Variants in GPBP1 observed in about 807,000 individuals in gnomAD.
GPBP1 encodes GC-rich promoter binding protein 1.
A neutral mutation model predicts 56.5 loss-of-function variants in GPBP1; 13 were observed. The ratio of observed to expected loss-of-function variants is 0.23; its 90% CI spans 0.15 to 0.37. The LOEUF (loss-of-function observed/expected upper bound fraction) is 0.37, where lower values mean the gene tolerates loss of function less well. Ranked by LOEUF, GPBP1 falls within the 10% of genes least tolerant of loss-of-function variation. GPBP1 has a pLI of 1.00. For missense variants in GPBP1, 477 were observed against 572.3 expected, an observed-to-expected ratio of 0.83 and a Z score of 1.70; for synonymous variants, 204 against 188.9, an observed-to-expected ratio of 1.08 and a Z score of -0.66.
At chr5:57,191,099 C>CT (rs564844488) in intron 2 of GPBP1, among the ~76,000 whole-genome samples, 64 of 146,186 alleles carry the variant, frequency 4.4e-4, no homozygotes, top group Middle Eastern at 3.6e-3. Flanking sequence ...TTTTTCTTTT[C>CT]TTTTTTTTTT....
intron 2 of GPBP1, among the ~76,000 whole-genome samples, chr5:57,193,929 A>T (rs1754638735): frequency 1.3e-5 from 2 of 151,908 alleles, no homozygotes; most frequent in Admixed American, 6.6e-5. Flanking sequence ...TCACCCCTTT[A>T]ATCCTGTTTC....
intron 2 of GPBP1, among the ~76,000 whole-genome samples, chr5:57,212,149 C>T (rs1252931787): frequency 6.6e-6 from 1 of 151,722 alleles, no homozygotes. Context: ...AGGCCGATCT[C>T]GAACTCCTGA....
intron 3 of GPBP1, among the ~76,000 whole-genome samples, chr5:57,228,965 C>T (rs1298804120): frequency 6.6e-6 from 1 of 152,016 alleles, no homozygotes; most frequent in Non-Finnish European, 1.5e-5. Context: ...TGCAGTGGCT[C>T]ACTCCTATAA....
At chr5:57,250,881 C>A in intron 9 of GPBP1, 73 bp from the exon 10 acceptor site, 1 of 984,346 alleles carries the variant, frequency 1.0e-6, no homozygotes, top group Non-Finnish European at 1.5e-6. Context: ...TAGTTAGGAT[C>A]TATTAAAAGT....
chr5:57,240,033 G>C (rs924781505), intron 6 of GPBP1, among the ~76,000 whole-genome samples: 2 of 152,076 alleles, frequency 1.3e-5, no homozygotes, highest in Non-Finnish European at 2.9e-5. Context: ...GCACAGGATG[G>C]GGGTATCACT....
chr5:57,240,244 CT>C (rs1740761285), intron 6 of GPBP1, among the ~76,000 whole-genome samples: 2 of 152,020 alleles, frequency 1.3e-5, no homozygotes, highest in Non-Finnish European at 1.5e-5. Context: ...GAGCAAGACT[CT>C]TTCTCCAAAG....
At chr5:57,208,929 A>G (rs527572749) in intron 2 of GPBP1, among the ~76,000 whole-genome samples, 3 of 152,292 alleles carry the variant, frequency 2.0e-5, no homozygotes, top group African/African-American at 7.2e-5. Flanking sequence ...TGCTGGGATT[A>G]CAGGCTTGAG....
At chr5:57,193,578 C>A (rs1320217488) in intron 2 of GPBP1, among the ~76,000 whole-genome samples, 1 of 135,592 alleles carries the variant, frequency 7.4e-6, no homozygotes, top group Non-Finnish European at 1.5e-5. Flanking sequence ...CATGCCACTG[C>A]ACTCAAGCTT....
At chr5:57,190,311 G>C (rs551987841) in intron 2 of GPBP1, among the ~76,000 whole-genome samples, 4 of 152,150 alleles carry the variant, frequency 2.6e-5, no homozygotes, top group Admixed American at 2.0e-4. Flanking sequence ...TCAGCTGGGC[G>C]TGGTGGCTCA....
intron 2 of GPBP1, among the ~76,000 whole-genome samples, chr5:57,206,446 T>G (rs1344438006): frequency 2.6e-5 from 4 of 152,202 alleles, no homozygotes; most frequent in African/African-American, 9.6e-5. Context: ...TTGCCCAGGC[T>G]GGAGTGTAGT....
At chr5:57,210,843 G>T (rs1450478017) in intron 2 of GPBP1, among the ~76,000 whole-genome samples, 1 of 152,138 alleles carries the variant, frequency 6.6e-6, no homozygotes, top group African/African-American at 2.4e-5. Context: ...TTTTATCTGT[G>T]CATGTGTCCA....
intron 6 of GPBP1, among the ~76,000 whole-genome samples, chr5:57,244,727 A>ATTTTTTTTTTTTTTT (rs532660984): frequency 7.5e-5 from 7 of 93,168 alleles, no homozygotes; most frequent in South Asian, 3.8e-4. Context: ...TTTGTTTGAG[A>ATTTTTTTTTTTTTTT]TTTTTTTTTT....
intron 2 of GPBP1, among the ~76,000 whole-genome samples, chr5:57,210,935 CT>C (rs1755449897): frequency 6.6e-6 from 1 of 152,090 alleles, no homozygotes; most frequent in Non-Finnish European, 1.5e-5. Context: ...CTTTAAAGAC[CT>C]TATCTTCAAA....
intron 2 of GPBP1, among the ~76,000 whole-genome samples, chr5:57,197,999 T>C (rs1171248491): frequency 6.6e-6 from 1 of 152,152 alleles, no homozygotes; most frequent in African/African-American, 2.4e-5. Flanking sequence ...AGAACCCATA[T>C]TAGCTCCTTA....
chr5:57,189,788 C>T (rs1022648121), intron 2 of GPBP1, among the ~76,000 whole-genome samples: 1 of 152,144 alleles, frequency 6.6e-6, no homozygotes. Flanking sequence ...TTGTCTGGAA[C>T]CTTGCTTACT....
intron 2 of GPBP1, among the ~76,000 whole-genome samples, chr5:57,212,654 TTTTC>T (rs760826148): frequency 5.9e-4 from 90 of 151,892 alleles, no homozygotes; most frequent in Non-Finnish European, 9.7e-4. Flanking sequence ...TTAACCTTTC[TTTTC>T]TTTTTCTTTT....
chr5:57,196,275 A>G (rs1754745945), intron 2 of GPBP1, among the ~76,000 whole-genome samples: 1 of 152,106 alleles, frequency 6.6e-6, no homozygotes, highest in African/African-American at 2.4e-5. Flanking sequence ...AAGTGCTGAG[A>G]TTACAGGTAT....
At chr5:57,208,075 C>G (rs1031897986) in intron 2 of GPBP1, among the ~76,000 whole-genome samples, 3 of 152,098 alleles carry the variant, frequency 2.0e-5, no homozygotes, top group South Asian at 4.1e-4. Context: ...CTGTCCTCAC[C>G]TAGATCCGTG....
chr5:57,263,542 A>G lies in GPBP1; in HGVS notation c.*790A>G, dbSNP rs546731760. The G allele has an allele frequency of 6.6e-6, 1 of 152,320 alleles. No individual in the cohort carries two copies. Among genetic ancestry groups the G allele is most frequent in the Admixed American group, 6.5e-5 (1 of 15,304 alleles). 9.4% of individuals were successfully genotyped at this position (152,320 alleles called of 1,614,324 possible). ...ACACGCAGAAAAACTGATCACACTG[A>G]CTGGATCTGTCCACGACATGGAAAA... On this transcript the variant is annotated 3_prime_UTR_variant, in exon 12 of 12. Transcript: ENST00000506184.
Sources: allele counts gnomAD v4.1 joint callset (sites outside exome capture counted in the v4.1 genomes callset), GRCh38; gene constraint gnomAD v4.1.1; transcripts MANE v1.5; gene names NCBI Gene and HGNC (gene_info 2026-07-23, HGNC 2026-07-21).